The following FGGY variants were observed in gnomAD, a reference collection of about 807,000 sequenced individuals.
FGGY encodes the protein FGGY carbohydrate kinase domain containing.
Under a neutral mutation model 71.3 loss-of-function variants are expected in FGGY, and 72 were observed. The ratio of observed to expected loss-of-function variants is 1.01; its 90% CI spans 0.84 to 1.23. The LOEUF is 1.23. Ranked by LOEUF, FGGY falls within the 50% of genes most tolerant of loss-of-function variation. FGGY has a pLI of 0.00. For missense variants in FGGY, 668 were observed against 682.3 expected (o/e 0.98, Z 0.23); for synonymous variants, 251 against 250.3 (o/e 1.00, Z -0.02).
intron 3 of FGGY, 29 bp downstream of exon 3, chr1:59,340,098 T>G (rs945771884): frequency 6.6e-7 from 1 of 1,508,860 alleles, no homozygotes; most frequent in Admixed American, 1.8e-5. Context: ...CTTTTCCCAG[T>G]GGTGGGATAC....
chr1:59,612,153 A>G (rs1200757096), intron 9 of FGGY, among the ~76,000 whole-genome samples: 1 of 152,204 alleles, frequency 6.6e-6, no homozygotes, highest in Non-Finnish European at 1.5e-5. Context: ...GAATGCCACA[A>G]AGATACTCCT....
At chr1:59,482,198 A>G (rs2093495683) in intron 6 of FGGY, among the ~76,000 whole-genome samples, 2 of 152,150 alleles carry the variant, frequency 1.3e-5, no homozygotes, top group African/African-American at 4.8e-5. Context: ...TGTGTTTGTC[A>G]AGTTGATGAT....
At chr1:59,695,806 A>G (rs958518562) in intron 14 of FGGY, among the ~76,000 whole-genome samples, 11 of 152,188 alleles carry the variant, frequency 7.2e-5, no homozygotes, top group African/African-American at 2.7e-4. Flanking sequence ...GCAGAATGTC[A>G]TGAGTTCTTC....
intron 6 of FGGY, among the ~76,000 whole-genome samples, chr1:59,482,850 A>G (rs1397324165): frequency 6.6e-6 from 1 of 152,054 alleles, no homozygotes; most frequent in Non-Finnish European, 1.5e-5. Flanking sequence ...CAGATCAACA[A>G]ACTTAACTGA....
intron 2 of FGGY, among the ~76,000 whole-genome samples, chr1:59,333,238 G>C (rs953959154): frequency 2.6e-5 from 4 of 152,164 alleles, no homozygotes; most frequent in Non-Finnish European, 4.4e-5. Context: ...TGTGTGAGAT[G>C]GGCTTACCCA....
intron 14 of FGGY, among the ~76,000 whole-genome samples, chr1:59,700,273 T>A (rs1355577896): frequency 1.3e-5 from 2 of 152,204 alleles, no homozygotes; most frequent in African/African-American, 2.4e-5. Flanking sequence ...ATGAGTATTA[T>A]CTATCTGTCA....
rs529801958 is a variant in FGGY at position 59,489,227 on chromosome 1, A to G, written c.671-23084A>G. ...CAAACATTTGTCATTTCTTTGTGCTAGAAACATTCAATATCCTCCTAGGTA... is the reference window on the plus strand; with the variant it reads ...CAAACATTTGTCATTTCTTTGTGCTGGAAACATTCAATATCCTCCTAGGTA... On this transcript the variant is annotated intron_variant, in intron 6 of 15. Coordinates refer to ENST00000303721, the MANE Select transcript of FGGY (RefSeq NM_018291.5). Among the ~76,000 whole-genome samples, 116 of 152,278 alleles carry G rather than the reference A, an allele frequency of 7.6e-4. 1 individual carries two copies. Among genetic ancestry groups the G allele is most frequent in the Admixed American group, 5.9e-4 (9 of 15,288 alleles).
At chr1:59,695,897 TG>T (rs1183193768) in intron 14 of FGGY, among the ~76,000 whole-genome samples, 1 of 152,172 alleles carries the variant, frequency 6.6e-6, no homozygotes, top group Non-Finnish European at 1.5e-5. Flanking sequence ...GAAAGTCCTG[TG>T]GGTTTTTTTT....
At chr1:59,375,484 C>A (rs900515841) in intron 4 of FGGY, among the ~76,000 whole-genome samples, 1 of 152,108 alleles carries the variant, frequency 6.6e-6, no homozygotes, top group Admixed American at 6.5e-5. Context: ...CTTAAGAGTA[C>A]CTCAGACTTC....
At chr1:59,741,647 T>C (rs2098148656) in intron 14 of FGGY, among the ~76,000 whole-genome samples, 1 of 152,126 alleles carries the variant, frequency 6.6e-6, no homozygotes, top group Admixed American at 6.5e-5. Flanking sequence ...CTAATAATAA[T>C]TTTTTAAAAA....
intron 12 of FGGY, 124 bp downstream of exon 12, chr1:59,660,417 A>G (rs2097263795): frequency 1.5e-6 from 1 of 674,292 alleles, no homozygotes; most frequent in Non-Finnish European, 2.4e-6. Flanking sequence ...ATTGTTTGCA[A>G]AAAAGAGATT....
At chr1:59,718,012 AACTAC>A (rs1473669027) in intron 14 of FGGY, among the ~76,000 whole-genome samples, 1 of 152,176 alleles carries the variant, frequency 6.6e-6, no homozygotes, top group Non-Finnish European at 1.5e-5. Context: ...TATGTAGAGA[AACTAC>A]ACTTTGAACC....
intron 12 of FGGY, among the ~76,000 whole-genome samples, chr1:59,664,531 A>G (rs943592783): frequency 1.3e-5 from 2 of 152,236 alleles, no homozygotes; most frequent in East Asian, 3.8e-4. Flanking sequence ...CCCTGGTTTT[A>G]GAAATATCAA....
chr1:59,359,709 TAGATAAACTTC>T (rs2055045570), intron 4 of FGGY, among the ~76,000 whole-genome samples: 3 of 152,166 alleles, frequency 2.0e-5, no homozygotes, highest in Non-Finnish European at 4.4e-5. Context: ...GGCTATGGAT[TAGATAAACTTC>T]AGAGTGTTTA....
At chr1:59,449,505 G>T (rs2072143559) in intron 5 of FGGY, among the ~76,000 whole-genome samples, 1 of 151,952 alleles carries the variant, frequency 6.6e-6, no homozygotes, top group East Asian at 1.9e-4. Context: ...GGCTGGTCTC[G>T]AACTCCTGAC....
chr1:59,603,886 A>C (rs2096599800), intron 8 of FGGY, among the ~76,000 whole-genome samples: 1 of 152,234 alleles, frequency 6.6e-6, no homozygotes, highest in African/African-American at 2.4e-5. Context: ...GCCTAAAATT[A>C]AGACTATAAT....
At chr1:59,543,904 G>A (rs1398104323) in intron 7 of FGGY, among the ~76,000 whole-genome samples, 2 of 152,132 alleles carry the variant, frequency 1.3e-5, no homozygotes, top group Admixed American at 1.3e-4. Flanking sequence ...GCAAGAGAAG[G>A]TTGCTGAAGG....
intron 4 of FGGY, among the ~76,000 whole-genome samples, chr1:59,358,285 A>G (rs559934884): frequency 6.6e-6 from 1 of 152,216 alleles, no homozygotes; most frequent in South Asian, 2.1e-4. Flanking sequence ...CTTTTTTCCT[A>G]TTATCCAAAG....
chr1:59,388,099 T>A (rs1241185045), intron 5 of FGGY, among the ~76,000 whole-genome samples: 1 of 151,824 alleles, frequency 6.6e-6, no homozygotes, highest in East Asian at 1.9e-4. Context: ...AGCTCAGAAG[T>A]GCAGTTAAAC....
Sources: gnomAD v4.1 joint callset for allele counts (sites outside exome capture counted in the v4.1 genomes callset) on GRCh38, gnomAD v4.1.1 for gene constraint, MANE v1.5 for transcripts, NCBI Gene and HGNC (gene_info 2026-07-23, HGNC 2026-07-21) for gene names.